Variants in XKR4 observed in about 807,000 individuals in gnomAD.
The protein encoded by XKR4 is XK related 4, also known as XK-related protein 4.
A neutral mutation model predicts 53.9 loss-of-function variants in XKR4; 12 were observed. The ratio of observed to expected loss-of-function variants is 0.22; its 90% CI spans 0.14 to 0.36. XKR4 has a LOEUF of 0.36. Ranked by LOEUF, XKR4 falls within the 10% of genes least tolerant of loss-of-function variation. XKR4 has a pLI of 1.00. For missense variants in XKR4, 799 were observed against 859.5 expected, an observed-to-expected ratio of 0.93 and a Z score of 0.88; for synonymous variants, 354 against 362.4, an observed-to-expected ratio of 0.98 and a Z score of 0.26.
rs188348136 is a variant in XKR4, at chr8:55,297,199, G to A, written c.807-60479G>A. ...GCTGATCAACACAGCATCAGGAAAT[G>A]ATACCCAAGAGCTTGGGGAGCACAT... On this transcript the variant is annotated intron_variant, in intron 1 of 2. Transcript: ENST00000327381. Among the ~76,000 whole-genome samples the A allele has an allele frequency of 5.9e-5, 9 of 152,276 alleles. No individual in the cohort carries two copies. The East Asian group carries it at 1.7e-3, about 29-fold the overall frequency.
intron 1 of XKR4, among the ~76,000 whole-genome samples, chr8:55,213,661 A>G (rs1817759107): frequency 6.6e-6 from 1 of 152,102 alleles, no homozygotes; most frequent in Non-Finnish European, 1.5e-5. Flanking sequence ...TTCAAAATTA[A>G]ACGATAAACT....
At chr8:55,442,277 T>C (rs528879388) in intron 2 of XKR4, among the ~76,000 whole-genome samples, 5 of 152,256 alleles carry the variant, frequency 3.3e-5, no homozygotes, top group African/African-American at 1.2e-4. Flanking sequence ...CAAAATGAAA[T>C]AGATACCACT....
intron 1 of XKR4, among the ~76,000 whole-genome samples, chr8:55,210,146 G>A (rs973756075): frequency 9.3e-5 from 14 of 150,710 alleles, no homozygotes; most frequent in African/African-American, 1.7e-4. Context: ...GTGCAGTGGC[G>A]TGATCTTGGC....
intron 1 of XKR4, among the ~76,000 whole-genome samples, chr8:55,220,775 C>A (rs941727957): frequency 1.3e-5 from 2 of 152,228 alleles, no homozygotes; most frequent in African/African-American, 4.8e-5. Flanking sequence ...CTGGTTCTAG[C>A]ATTACCACTT....
At chr8:55,322,342 T>C (rs937393820) in intron 1 of XKR4, among the ~76,000 whole-genome samples, 3 of 152,214 alleles carry the variant, frequency 2.0e-5, no homozygotes, top group Non-Finnish European at 2.9e-5. Flanking sequence ...CCATATGTAT[T>C]TGAATGTGTC....
At chr8:55,513,835 T>C (rs1211159760) in intron 2 of XKR4, among the ~76,000 whole-genome samples, 2 of 152,200 alleles carry the variant, frequency 1.3e-5, no homozygotes, top group Non-Finnish European at 2.9e-5. Flanking sequence ...TAGGAAAAAG[T>C]GTAAGGACTT....
At chr8:55,458,846 T>G (rs887633364) in intron 2 of XKR4, among the ~76,000 whole-genome samples, 1 of 152,126 alleles carries the variant, frequency 6.6e-6, no homozygotes, top group African/African-American at 2.4e-5. Context: ...GGGTGCAGGA[T>G]GGGGAGCAGG....
chr8:55,411,742 C>T (rs925197943), intron 2 of XKR4, among the ~76,000 whole-genome samples: 5 of 152,128 alleles, frequency 3.3e-5, no homozygotes, highest in African/African-American at 1.2e-4. Context: ...GCGAGAGTGC[C>T]TTTGCCCTGT....
chr8:55,277,089 T>TG (rs1818774814), intron 1 of XKR4, among the ~76,000 whole-genome samples: 1 of 152,108 alleles, frequency 6.6e-6, no homozygotes, highest in Non-Finnish European at 1.5e-5. Context: ...GAGCAATGAG[T>TG]GACAGAATGA....
chr8:55,387,164 T>C (rs1017708827), intron 2 of XKR4, among the ~76,000 whole-genome samples: 2 of 152,224 alleles, frequency 1.3e-5, no homozygotes, highest in Non-Finnish European at 2.9e-5. Context: ...ACCCTGTGCA[T>C]AAAGTACCCT....
At chr8:55,405,039 T>G (rs1804663594) in intron 2 of XKR4, among the ~76,000 whole-genome samples, 2 of 152,366 alleles carry the variant, frequency 1.3e-5, no homozygotes, top group South Asian at 4.1e-4. Context: ...TGCAAGAACT[T>G]GATGCCTTAA....
intron 1 of XKR4, among the ~76,000 whole-genome samples, chr8:55,128,980 G>A (rs879764945): frequency 2.0e-5 from 3 of 152,182 alleles, no homozygotes; most frequent in Non-Finnish European, 4.4e-5. Context: ...ATGGTGATAG[G>A]CTCTCAATCT....
chr8:55,399,469 A>ATC (rs1432827421), intron 2 of XKR4, among the ~76,000 whole-genome samples: 1 of 152,136 alleles, frequency 6.6e-6, no homozygotes, highest in African/African-American at 2.4e-5. Flanking sequence ...AGTCCCCATA[A>ATC]TCTTGATTTC....
intron 2 of XKR4, among the ~76,000 whole-genome samples, chr8:55,418,593 C>T (rs530501632): frequency 1.3e-5 from 2 of 152,298 alleles, no homozygotes; most frequent in African/African-American, 4.8e-5. Context: ...GCCCTGTCCC[C>T]TCAGTCCATT....
chr8:55,170,305 G>A (rs543624321), intron 1 of XKR4, among the ~76,000 whole-genome samples: 181 of 152,216 alleles, frequency 1.2e-3, no homozygotes, highest in Non-Finnish European at 2.3e-3. Flanking sequence ...ACTGACTTTC[G>A]ATCAGGGAGA....
intron 1 of XKR4, among the ~76,000 whole-genome samples, chr8:55,229,992 T>C (rs1288155584): frequency 6.6e-6 from 1 of 152,178 alleles, no homozygotes; most frequent in Admixed American, 6.5e-5. Flanking sequence ...CGTTGCCTGG[T>C]GTCCTTTGTT....
intron 2 of XKR4, among the ~76,000 whole-genome samples, chr8:55,499,827 T>C (rs969786627): frequency 6.6e-6 from 1 of 152,192 alleles, no homozygotes; most frequent in Non-Finnish European, 1.5e-5. Flanking sequence ...TTTGCTTTGT[T>C]TTGTTTGGGC....
chr8:55,451,159 G>A (rs1805435621), intron 2 of XKR4: 1 of 534,410 alleles, frequency 1.9e-6, no homozygotes, highest in Non-Finnish European at 3.3e-6. Context: ...CCCGGGTCGG[G>A]GGCCGGGGGA....
chr8:55,365,189 TGCAGCCGGCTCCACTCTTCC>T (rs1803959619), intron 2 of XKR4, among the ~76,000 whole-genome samples: 1 of 152,198 alleles, frequency 6.6e-6, no homozygotes, highest in Non-Finnish European at 1.5e-5. Flanking sequence ...AGCATGAGGC[TGCAGCCGGCTCCACTCTTCC>T]GCAGCCTGCT....
Sources: gnomAD v4.1 joint callset for allele counts (sites outside exome capture counted in the v4.1 genomes callset) on GRCh38, gnomAD v4.1.1 for gene constraint, MANE v1.5 for transcripts, NCBI Gene and HGNC (gene_info 2026-07-23, HGNC 2026-07-21) for gene names.